CNTNAP2: variants seen among roughly 807,000 people sequenced by gnomAD.
CNTNAP2 encodes the protein contactin associated protein 2.
CNTNAP2 carries 98 observed loss-of-function variants against 155.2 expected under a neutral mutation model. The observed-to-expected ratio is 0.63, with a 90% CI of 0.54 to 0.75. The LOEUF (loss-of-function observed/expected upper bound fraction) is 0.75, where lower values mean the gene tolerates loss of function less well. Among genes scored for constraint, CNTNAP2 ranks in the 30% least tolerant of loss-of-function variants. CNTNAP2 has a pLI of 0.00. For missense variants in CNTNAP2, 1,727 were observed against 1,688.1 expected (o/e 1.02, Z -0.40); for synonymous variants, 651 against 631.2 (o/e 1.03, Z -0.47).
intron 14 of CNTNAP2, among the ~76,000 whole-genome samples, chr7:147,919,616 G>A (rs559658240): frequency 4.0e-5 from 6 of 151,228 alleles, no homozygotes; most frequent in Non-Finnish European, 7.4e-5. Context: ...CCGCCACCAC[G>A]CCTGGCTAAT....
chr7:146,755,306 C>A (rs1801977100), intron 1 of CNTNAP2, among the ~76,000 whole-genome samples: 1 of 151,954 alleles, frequency 6.6e-6, no homozygotes, highest in African/African-American at 2.4e-5. Context: ...ATATTCTGAA[C>A]AGGGACGGAC....
At chr7:147,648,015 G>C (rs1213765374) in intron 13 of CNTNAP2, among the ~76,000 whole-genome samples, 1 of 152,180 alleles carries the variant, frequency 6.6e-6, no homozygotes, top group African/African-American at 2.4e-5. Context: ...ACTGAAGACT[G>C]CATGGGGAAA....
chr7:147,720,463 G>A (rs10952705), intron 13 of CNTNAP2, among the ~76,000 whole-genome samples: 84,332 of 152,006 alleles, frequency 0.55, 25,375 homozygotes, highest in East Asian at 0.83. Context: ...ATTCATGGAT[G>A]TGCCAAGTTA....
chr7:147,934,823 C>T (rs1417153377), intron 14 of CNTNAP2, among the ~76,000 whole-genome samples: 1 of 152,144 alleles, frequency 6.6e-6, no homozygotes, highest in Non-Finnish European at 1.5e-5. Flanking sequence ...GTTTTACATC[C>T]TATTCACAAT....
chr7:146,649,872 CA>C (rs1214468996), intron 1 of CNTNAP2, among the ~76,000 whole-genome samples: 2 of 151,988 alleles, frequency 1.3e-5, no homozygotes, highest in African/African-American at 4.8e-5. Flanking sequence ...AGACACTTCT[CA>C]AAAGAAGACG....
In CNTNAP2 at chr7:148,058,149, G is replaced by A. The variant is rs78656937; in HGVS notation, c.2384-59969G>A. On this transcript the variant is annotated intron_variant, in intron 15 of 23. Transcript: ENST00000361727. ...ATACCCTCTAGAGTGTGTTGATAACGTGACTTAGTACATGAAGAGAGAGCA... is the reference window on the plus strand; with the variant it reads ...ATACCCTCTAGAGTGTGTTGATAACATGACTTAGTACATGAAGAGAGAGCA... 8.9e-3 allele frequency among the ~76,000 whole-genome samples: 1,350 copies of A among 152,054 alleles called. 21 individuals are homozygous for A. The highest frequency in any genetic ancestry group is 0.031 in the African/African-American group (1,269 of 41,482).
intron 14 of CNTNAP2, among the ~76,000 whole-genome samples, chr7:147,927,912 G>A (rs1451900767): frequency 2.0e-5 from 3 of 152,264 alleles, no homozygotes; most frequent in African/African-American, 7.2e-5. Flanking sequence ...TGCAGTCTTG[G>A]TGATATGGTT....
chr7:148,330,436 A>G (rs1797969758), intron 21 of CNTNAP2, among the ~76,000 whole-genome samples: 1 of 148,176 alleles, frequency 6.7e-6, no homozygotes, highest in Non-Finnish European at 1.5e-5. Flanking sequence ...GGACGGATGG[A>G]GCAGACGGGT....
intron 10 of CNTNAP2, among the ~76,000 whole-genome samples, chr7:147,405,244 T>G (rs1047531352): frequency 5.9e-5 from 9 of 152,232 alleles, no homozygotes; most frequent in African/African-American, 2.2e-4. Flanking sequence ...TTTTATTTCT[T>G]GCTTTTGATA....
chr7:147,612,456 A>G (rs973741472), intron 12 of CNTNAP2, among the ~76,000 whole-genome samples: 1 of 145,326 alleles, frequency 6.9e-6, no homozygotes, highest in Non-Finnish European at 1.5e-5. Flanking sequence ...GCTAGAGTGC[A>G]GTGGCCTGAT....
At chr7:147,356,617 A>C (rs1363673996) in intron 9 of CNTNAP2, among the ~76,000 whole-genome samples, 1 of 152,146 alleles carries the variant, frequency 6.6e-6, no homozygotes, top group African/African-American at 2.4e-5. Flanking sequence ...TCTCTCACCT[A>C]CCACTATTGA....
intron 1 of CNTNAP2, among the ~76,000 whole-genome samples, chr7:146,478,563 G>A (rs559251312): frequency 2.5e-4 from 38 of 151,558 alleles, no homozygotes; most frequent in South Asian, 1.0e-3. Context: ...TAAATTCTCC[G>A]CACCATTGAG....
At chr7:146,204,117 T>C (rs1195252089) in intron 1 of CNTNAP2, among the ~76,000 whole-genome samples, 2 of 152,220 alleles carry the variant, frequency 1.3e-5, no homozygotes, top group Non-Finnish European at 1.5e-5. Flanking sequence ...GGGAAAATTC[T>C]TGTAAAACTT....
chr7:147,737,649 G>C (rs1796877520), intron 13 of CNTNAP2, among the ~76,000 whole-genome samples: 1 of 152,202 alleles, frequency 6.6e-6, no homozygotes, highest in African/African-American at 2.4e-5. Context: ...GCCTTCTTGA[G>C]CTGCAGTGGG....
intron 10 of CNTNAP2, among the ~76,000 whole-genome samples, chr7:147,473,613 TC>T (rs1798265728): frequency 6.6e-6 from 1 of 152,196 alleles, no homozygotes; most frequent in Non-Finnish European, 1.5e-5. Flanking sequence ...ATATAAGTTT[TC>T]CCTGCACCTC....
intron 3 of CNTNAP2, among the ~76,000 whole-genome samples, chr7:146,902,270 C>A (rs1796019743): frequency 6.6e-6 from 1 of 152,050 alleles, no homozygotes; most frequent in Non-Finnish European, 1.5e-5. Flanking sequence ...CATATGCTCT[C>A]CTGAACTACT....
In CNTNAP2 at chr7:146,921,436, G is replaced by A. The variant is rs1330077003; in HGVS notation, c.402+81532G>A. On this transcript the variant is annotated intron_variant, in intron 3 of 23. Transcript: ENST00000361727. ...TTTGAGAAACAGGAAGGCAAGAGTC[G>A]TGTATTAGTTCTCATGCGGCTAACA... 4.6e-5 allele frequency among the ~76,000 whole-genome samples: 7 copies of A among 152,172 alleles called. No individual in the cohort carries two copies. In the East Asian group the frequency reaches 7.8e-4, roughly 17 times the overall value.
chr7:146,861,092 A>C (rs907666232), intron 3 of CNTNAP2, among the ~76,000 whole-genome samples: 2 of 151,942 alleles, frequency 1.3e-5, no homozygotes, highest in African/African-American at 4.8e-5. Context: ...ACCAAGCCTC[A>C]TCCTATTTCC....
At chr7:148,133,558 G>T (rs1403566428) in intron 16 of CNTNAP2, 1 of 152,166 alleles carries the variant, frequency 6.6e-6, no homozygotes, top group Non-Finnish European at 1.5e-5. Context: ...TTTCTCTGTG[G>T]CTCCACCATC....
Sources: allele counts gnomAD v4.1 joint callset (sites outside exome capture counted in the v4.1 genomes callset), GRCh38; gene constraint gnomAD v4.1.1; transcripts MANE v1.5; gene names NCBI Gene and HGNC (gene_info 2026-07-23, HGNC 2026-07-21).